Variants in FSTL4 observed in about 807,000 individuals in gnomAD.
FSTL4 encodes follistatin like 4.
In FSTL4, 28 loss-of-function variants were observed where a neutral mutation model predicts 78.2. That is an observed-to-expected ratio of 0.36 (90% CI 0.27 to 0.49). The LOEUF (loss-of-function observed/expected upper bound fraction) is 0.49. Among genes scored for constraint, FSTL4 ranks in the 20% least tolerant of loss-of-function variants. The pLI is 0.98. For missense variants in FSTL4, 922 were observed against 1,084.9 expected (o/e 0.85, Z 2.11); for synonymous variants, 422 against 440.5 (o/e 0.96, Z 0.53).
At chr5:133,739,849 G>A in the FSTL4 span, among the ~76,000 whole-genome samples, 5 of 151,894 alleles carry the variant, frequency 3.3e-5, no homozygotes, top group Admixed American at 6.5e-5. Flanking sequence ...AGAGCTCCCA[G>A]CTAGTAAGGA....
the FSTL4 span, among the ~76,000 whole-genome samples, chr5:133,840,978 G>T: frequency 6.6e-6 from 1 of 152,230 alleles, no homozygotes; most frequent in Non-Finnish European, 1.5e-5. Flanking sequence ...GAAGGGGATG[G>T]AGACCTCCTC....
At chr5:133,310,553 T>C (rs1753755593) in intron 6 of FSTL4, among the ~76,000 whole-genome samples, 1 of 152,168 alleles carries the variant, frequency 6.6e-6, no homozygotes. Context: ...GACCCACTCA[T>C]GGGAACTGTG....
chr5:133,446,521 A>C lies in FSTL4; in HGVS notation c.161-45535T>G, dbSNP rs1055645131. ...ACTGTGGGGCTCTCTTCTGCTCCCA[A>C]CTTGCTGACACTGGCACTCCCCCCA... is the stretch of plus-strand genomic sequence containing the variant. On this transcript the variant is annotated intron_variant, in intron 3 of 15. Coordinates refer to ENST00000265342, the MANE Select transcript of FSTL4 (RefSeq NM_015082.2). Among the ~76,000 whole-genome samples, 3 of 151,870 alleles carry C rather than the reference A, an allele frequency of 2.0e-5. No homozygotes were observed. The East Asian group carries it at 5.8e-4, about 29-fold the overall frequency.
At chr5:133,559,230 T>C (rs1471270991) in intron 3 of FSTL4, among the ~76,000 whole-genome samples, 1 of 152,260 alleles carries the variant, frequency 6.6e-6, no homozygotes, top group African/African-American at 2.4e-5. Context: ...GGCTGGTGGA[T>C]AGCACATTAA....
At chr5:133,310,155 T>C (rs1308746695) in intron 6 of FSTL4, among the ~76,000 whole-genome samples, 1 of 151,976 alleles carries the variant, frequency 6.6e-6, no homozygotes, top group Non-Finnish European at 1.5e-5. Context: ...CAAGCCTTTA[T>C]AGTGGGGGTT....
intron 4 of FSTL4, among the ~76,000 whole-genome samples, chr5:133,345,673 CA>C (rs1374351069): frequency 2.6e-5 from 4 of 152,098 alleles, no homozygotes; most frequent in Non-Finnish European, 4.4e-5. Flanking sequence ...CACAGAAATG[CA>C]AATCAAAACC....
chr5:133,567,108 A>G (rs998721976), intron 3 of FSTL4, 78 bp downstream of exon 3: 9 of 994,972 alleles, frequency 9.0e-6, no homozygotes, highest in Admixed American at 1.7e-5. Flanking sequence ...CACAGTCTGA[A>G]GTTCATCTTA....
chr5:133,834,806 A>C, the FSTL4 span, among the ~76,000 whole-genome samples: 2 of 152,090 alleles, frequency 1.3e-5, no homozygotes, highest in Non-Finnish European at 2.9e-5. Context: ...ATCAAATAAC[A>C]TGTATAGTTA....
intron 2 of FSTL4, among the ~76,000 whole-genome samples, chr5:133,581,294 G>A (rs1760400839): frequency 6.6e-6 from 1 of 152,186 alleles, no homozygotes; most frequent in Non-Finnish European, 1.5e-5. Flanking sequence ...GCCCATCTGA[G>A]AATCCCAAGG....
At chr5:133,288,529 C>T (rs995396683) in intron 6 of FSTL4, among the ~76,000 whole-genome samples, 1 of 152,226 alleles carries the variant, frequency 6.6e-6, no homozygotes, top group African/African-American at 2.4e-5. Context: ...AAACACAGAC[C>T]CTGCCCAGCC....
At chr5:133,574,604 C>G (rs1472589420) in intron 2 of FSTL4, among the ~76,000 whole-genome samples, 1 of 152,172 alleles carries the variant, frequency 6.6e-6, no homozygotes, top group African/African-American at 2.4e-5. Flanking sequence ...AAGTAAATGT[C>G]CAACAGAAGT....
intron 3 of FSTL4, chr5:133,427,838 G>C: frequency 2.6e-6 from 1 of 380,988 alleles, no homozygotes. Context: ...TGGCTCCAGA[G>C]AAGTGTGAGG....
chr5:133,581,997 G>A (rs1760423215), intron 2 of FSTL4, among the ~76,000 whole-genome samples: 1 of 152,206 alleles, frequency 6.6e-6, no homozygotes, highest in Non-Finnish European at 1.5e-5. Flanking sequence ...TATGGGGAAG[G>A]GTGTCCCTTC....
chr5:133,771,242 T>C, the FSTL4 span, among the ~76,000 whole-genome samples: 2 of 152,150 alleles, frequency 1.3e-5, no homozygotes, highest in Non-Finnish European at 2.9e-5. Context: ...GTATTGTTTT[T>C]TCTGACTCTG....
At chr5:133,725,442 C>A in the FSTL4 span, among the ~76,000 whole-genome samples, 199 of 152,334 alleles carry the variant, frequency 1.3e-3, 4 homozygotes, top group Admixed American at 0.011. Context: ...GTGTTCTCCA[C>A]GAGCCACCCA....
the FSTL4 span, among the ~76,000 whole-genome samples, chr5:133,675,973 C>T: frequency 6.6e-6 from 1 of 152,138 alleles, no homozygotes; most frequent in Non-Finnish European, 1.5e-5. Flanking sequence ...AGGGCCCCGC[C>T]CTTTGTGACT....
intron 13 of FSTL4, among the ~76,000 whole-genome samples, chr5:133,216,980 A>AGTACTCTTGAAACTAGGCGGC: frequency 6.6e-6 from 1 of 152,174 alleles, no homozygotes; most frequent in African/African-American, 2.4e-5. Context: ...CTTATTACTT[A>AGTACTCTTGAAACTAGGCGGC]TAGTTCTCTA....
rs970331087 is a variant in FSTL4 at position 133,338,153 on chromosome 5, G to A, written c.410-21501C>T. On this transcript the variant is annotated intron_variant, in intron 4 of 15. Coordinates refer to ENST00000265342, the MANE Select transcript of FSTL4 (RefSeq NM_015082.2). This position sits in a 1 kb window ranked among gnomAD's most constrained non-coding sequence, Gnocchi z 4.0. Reference sequence around the variant, plus strand: ...ATGGGGAGATGTCTGATTGGCAGGTGTAAATGTCGATTGAGTCATGTTTCT... The same window carrying A: ...ATGGGGAGATGTCTGATTGGCAGGTATAAATGTCGATTGAGTCATGTTTCT... Among the ~76,000 whole-genome samples the A allele has an allele frequency of 3.9e-5, 6 of 152,176 alleles. No homozygotes were observed. Among genetic ancestry groups the A allele is most frequent in the African/African-American group, 4.8e-5 (2 of 41,436 alleles).
the FSTL4 span, among the ~76,000 whole-genome samples, chr5:133,634,174 A>C: frequency 6.6e-6 from 1 of 152,104 alleles, no homozygotes; most frequent in African/African-American, 2.4e-5. Flanking sequence ...CTCTGACACC[A>C]TTGTGGTGAT....
Sources: allele counts gnomAD v4.1 joint callset (sites outside exome capture counted in the v4.1 genomes callset), GRCh38; gene constraint gnomAD v4.1.1; non-coding constraint Gnocchi (gnomAD v3.1); transcripts MANE v1.5; gene names NCBI Gene and HGNC (gene_info 2026-07-23, HGNC 2026-07-21).